Variants in EIF3L observed in about 807,000 individuals in gnomAD.
EIF3L encodes eukaryotic translation initiation factor 3 subunit L.
Under a neutral mutation model 74.6 loss-of-function variants are expected in EIF3L, and 32 were observed. The observed-to-expected ratio is 0.43, with a 90% confidence interval of 0.32 to 0.58. The LOEUF (loss-of-function observed/expected upper bound fraction) is 0.58. Ranked by LOEUF, EIF3L falls within the 20% of genes least tolerant of loss-of-function variation. EIF3L has a pLI of 0.06. For missense variants in EIF3L, 474 were observed against 707.8 expected (o/e 0.67, Z 3.75); for synonymous variants, 256 against 254.4 (o/e 1.01, Z -0.06).
chr22:37,859,137 A>G (rs1304176374), intron 5 of EIF3L, among the ~76,000 whole-genome samples: 1 of 151,658 alleles, frequency 6.6e-6, no homozygotes, highest in Non-Finnish European at 1.5e-5. Context: ...GCCAAGCACA[A>G]TGCTAGGCAC....
intron 9 of EIF3L, 23 bp downstream of exon 9, chr22:37,874,547 C>T: frequency 1.2e-6 from 2 of 1,605,090 alleles, no homozygotes; most frequent in Non-Finnish European, 1.7e-6. Context: ...GCCTCTGGCC[C>T]CTCTTGCCAG....
In EIF3L at chr22:37,873,232, G is replaced by C. The variant is rs1243457411; in HGVS notation, c.752-1138G>C. Among the ~76,000 whole-genome samples the C allele has an allele frequency of 2.6e-5, 4 of 151,328 alleles. No individual in the cohort carries two copies. The East Asian group carries it at 7.8e-4, about 29-fold the overall frequency. On this transcript the variant is annotated intron_variant, in intron 8 of 12. Transcript: ENST00000652021. ...TCAAACTCCTGACCTCAAGTGATAC[G>C]TCCGCCTCGGCCTCCCAAAATGCTA...
rs1925968619 is a variant in EIF3L at position 37,863,416 on chromosome 22, G to T, written c.579+71G>T. 22 of 1,296,406 alleles carry T rather than the reference G, an allele frequency of 1.7e-5. No individual in the cohort carries two copies. The South Asian group carries it at 2.6e-4, about 15-fold the overall frequency. The allele number at this position is 1,296,406 out of a possible 1,614,324, so 80.3% of individuals were successfully genotyped here. A position where few individuals can be genotyped will look rare whatever the true frequency, so the allele number is the denominator to read the frequency against. Reference sequence around the variant, plus strand: ...AGGAATAGCTGTTACTATTGTTTGTGTAAAAAAGCTGCAGGGTGTAAAAAT... The same window carrying T: ...AGGAATAGCTGTTACTATTGTTTGTTTAAAAAAGCTGCAGGGTGTAAAAAT... On this transcript the variant is annotated intron_variant, in intron 7 of 12. Transcript: ENST00000652021.
intron 1 of EIF3L, 99 bp downstream of exon 1, chr22:37,849,581 A>C: frequency 7.2e-7 from 1 of 1,397,130 alleles, no homozygotes; most frequent in South Asian, 1.4e-5. Context: ...GGTCGCGGCC[A>C]GCTCCGGCCG....
chr22:37,863,432 G>A (rs1925969333), intron 7 of EIF3L, 87 bp downstream of exon 7: 3 of 1,130,972 alleles, frequency 2.7e-6, no homozygotes, highest in Non-Finnish European at 3.9e-6. Context: ...AAGCTGCAGG[G>A]TGTAAAAATA....
intron 7 of EIF3L, among the ~76,000 whole-genome samples, chr22:37,867,914 C>T (rs2145820972): frequency 6.9e-6 from 1 of 144,568 alleles, no homozygotes; most frequent in Middle Eastern, 3.7e-3. Flanking sequence ...GAGATTGCAC[C>T]ACTGCACTCC....
rs1926639613 is a variant in EIF3L, at chr22:37,874,453, C to T, written c.835C>T (p.Arg279Cys). 2.5e-6 allele frequency: 4 copies of T among 1,614,030 alleles called. No homozygotes were observed. The highest frequency in any genetic ancestry group is 2.2e-5 in the South Asian group (2 of 91,074). ...TTACTTCAGCCTGGTCGGGCTTCTC[C>T]GCCTGCACTCCCTGTTAGGAGATTA... ...LGYFSLVGLLRLHSLLGDYYQ... is the reference protein window; with the variant it reads ...LGYFSLVGLLCLHSLLGDYYQ... Residue 279 changes from arginine to cysteine, a missense_variant, in exon 9 of 13, where the codon CGC (arginine) becomes TGC (cysteine). Physicochemically the swap from Arg to Cys is radical, Grantham distance 180. Coordinates refer to ENST00000652021, the MANE Select transcript of EIF3L (RefSeq NM_016091.4).
At position 37,888,520 on chromosome 22, in the gene EIF3L, T is replaced by C. The variant is rs1927439357; in HGVS notation, c.*56T>C. 2 of 1,584,044 alleles carry C rather than the reference T, an allele frequency of 1.3e-6. No homozygotes were observed. The highest frequency in any genetic ancestry group is 3.4e-5 in the Admixed American group (2 of 59,558). ...TGATGTATTATAGGCAGGAAGTGTT[T>C]TTGCTACCGTGAAACCTTTACCTAG... is the stretch of plus-strand genomic sequence containing the variant. On this transcript the variant is annotated 3_prime_UTR_variant, in exon 13 of 13. Transcript: ENST00000652021.
chr22:37,851,272 A>T lies in EIF3L; in HGVS notation c.83-8A>T. Reference sequence around the variant, plus strand: ...GCATACTCTGTATTTGTTGTATCCAACCTCCAGGAGATCCAAAGCAGGACC... The same window carrying T: ...GCATACTCTGTATTTGTTGTATCCATCCTCCAGGAGATCCAAAGCAGGACC... On this transcript the variant is annotated splice_region_variant and splice_polypyrimidine_tract_variant and intron_variant, in intron 2 of 12. Transcript: ENST00000652021. 3 of 1,613,160 alleles carry T rather than the reference A, an allele frequency of 1.9e-6. No homozygotes were observed. Among genetic ancestry groups the T allele is most frequent in the Non-Finnish European group, 2.5e-6 (3 of 1,179,252 alleles).
chr22:37,851,252 C>T (rs552381445), intron 2 of EIF3L, 28 bp from the exon 3 acceptor site: 12 of 1,601,412 alleles, frequency 7.5e-6, no homozygotes, highest in South Asian at 5.5e-5. Flanking sequence ...TTTGAGCATA[C>T]TCTGTATTTG....
chr22:37,851,565 A>G (rs769930716), intron 3 of EIF3L, 75 bp downstream of exon 3: 2 of 631,402 alleles, frequency 3.2e-6, no homozygotes, highest in South Asian at 1.5e-5. Context: ...AAATGAGGTG[A>G]GCACTCTGTA....
chr22:37,870,203 A>G lies in EIF3L; in HGVS notation c.607A>G (p.Lys203Glu), dbSNP rs1162023923. The change falls in exon 8 of 13, where the codon AAG (lysine) becomes GAG (glutamate). Residue 203 changes from lysine (K) to glutamate (E), a missense_variant. Lys to Glu is a moderately conservative substitution (Grantham distance 56). Around this residue, in one of 4 missense-constraint regions of EIF3L, gnomAD observed 293 missense variants for 469.1 expected, o/e 0.62. Coordinates refer to ENST00000652021, the MANE Select transcript of EIF3L (RefSeq NM_016091.4). ...QFQSFSQYRCKTAKKSEEEID... is the reference protein window; with the variant it reads ...QFQSFSQYRCETAKKSEEEID... The stretch of plus-strand genomic sequence containing the variant: ...TCAGTCATTCAGTCAGTACCGCTGT[A>G]AGACTGCCAAGAAGTCAGAGGAGGA... 1 of 1,612,706 alleles carries G rather than the reference A, an allele frequency of 6.2e-7. No homozygotes were observed. Among genetic ancestry groups the G allele is most frequent in the Non-Finnish European group, 8.5e-7 (1 of 1,179,236 alleles).
At chr22:37,858,219 C>CTTTTTTTTTTTTTT (rs549425262) in intron 4 of EIF3L, among the ~76,000 whole-genome samples, 6 of 85,084 alleles carry the variant, frequency 7.1e-5, no homozygotes, top group African/African-American at 1.9e-4. Flanking sequence ...TTCTTTCTTC[C>CTTTTTTTTTTTTTT]TTTTTTTTTT....
rs55776434 is a variant in EIF3L at position 37,887,891 on chromosome 22, G to C, written c.1657-535G>C. Reference sequence around the variant, plus strand: ...CATTCCTTGTCTTGCCCTAGGAGAGGTCTTGTGGGTCAGGCCAAACACTGT... The same window carrying C: ...CATTCCTTGTCTTGCCCTAGGAGAGCTCTTGTGGGTCAGGCCAAACACTGT... On this transcript the variant is annotated intron_variant, in intron 12 of 12. Coordinates refer to ENST00000652021, the MANE Select transcript of EIF3L (RefSeq NM_016091.4). 950 of 152,856 alleles carry C rather than the reference G, an allele frequency of 6.2e-3. 8 individuals are homozygous for C. Among genetic ancestry groups the C allele is most frequent in the South Asian group, 0.034 (166 of 4,830 alleles). 9.5% of individuals were successfully genotyped at this position (152,856 alleles called of 1,614,324 possible).
Position 37,863,286 on chromosome 22 carries a change from G to C in EIF3L, c.520G>C (p.Ala174Pro). The C allele has an allele frequency of 6.2e-7, 1 of 1,613,694 alleles. No individual in the cohort carries two copies. The highest frequency in any genetic ancestry group is 8.5e-7 in the Non-Finnish European group (1 of 1,179,834). Residue 174 changes from alanine (A) to proline (P), a missense_variant, in exon 7 of 13, where the codon GCT becomes CCT. Around this residue, in one of 4 missense-constraint regions of EIF3L, gnomAD observed 141 missense variants for 197.7 expected, o/e 0.71. Transcript: ENST00000652021. ...FNYILNADGP[A>P]PLELPNQWLW... The stretch of plus-strand genomic sequence containing the variant: ...CTCCTGCACAGATGCCGATGGTCCT[G>C]CTCCCCTTGAACTACCCAACCAGTG...
chr22:37,874,463 C>CCG lies in EIF3L; in HGVS notation c.846_847insGC (p.Leu283AlafsTer3). 6.2e-7 allele frequency: 1 copy of CCG among 1,614,144 alleles called. No individual in the cohort carries two copies. The highest frequency in any genetic ancestry group is 8.5e-7 in the Non-Finnish European group (1 of 1,180,014). ...CTGGTCGGGCTTCTCCGCCTGCACT[C>CCG]CCTGTTAGGAGATTACTACCAGGCC... is the stretch of plus-strand genomic sequence containing the variant. On this transcript the variant is annotated frameshift_variant, in exon 9 of 13. Coordinates refer to ENST00000652021, the MANE Select transcript of EIF3L (RefSeq NM_016091.4). LOFTEE classifies it high-confidence loss of function.
chr22:37,850,225 C>T (rs968707822), intron 2 of EIF3L, among the ~76,000 whole-genome samples, 162 bp downstream of exon 2: 1 of 152,140 alleles, frequency 6.6e-6, no homozygotes, highest in African/African-American at 2.4e-5. Context: ...CCTAATAAAC[C>T]AGGCTTTTTA....
chr22:37,865,637 C>A (rs765844845), intron 7 of EIF3L, among the ~76,000 whole-genome samples: 1 of 152,084 alleles, frequency 6.6e-6, no homozygotes, highest in African/African-American at 2.4e-5. Flanking sequence ...TGAACCGTTA[C>A]GAGTGGTGAG....
chr22:37,871,404 C>T lies in EIF3L; in HGVS notation c.751+1057C>T, dbSNP rs558316320. ...GACTTTTTGAGCACCAACATGACGCCGTAAGTAGAAAATTCTACACCCAAC... is the reference window on the plus strand; with the variant it reads ...GACTTTTTGAGCACCAACATGACGCTGTAAGTAGAAAATTCTACACCCAAC... On this transcript the variant is annotated intron_variant, in intron 8 of 12. Transcript: ENST00000652021. The T allele has an allele frequency of 2.6e-5, 4 of 152,168 alleles. No homozygotes were observed. In the East Asian group the frequency reaches 7.7e-4, roughly 29 times the overall value. 9.4% of individuals were successfully genotyped at this position (152,168 alleles called of 1,614,324 possible).
Sources: allele counts gnomAD v4.1 joint callset (sites outside exome capture counted in the v4.1 genomes callset), GRCh38; gene constraint gnomAD v4.1.1; regional missense constraint gnomAD v4.1.1; transcripts MANE v1.5; gene names NCBI Gene and HGNC (gene_info 2026-07-23, HGNC 2026-07-21).